The following MUC17 variants were observed in gnomAD, a reference collection of about 807,000 sequenced individuals.
MUC17 encodes the protein mucin 17, cell surface associated, also known as mucin-17.
MUC17 carries 190 observed loss-of-function variants against 170.3 expected under a neutral mutation model. That is an observed-to-expected ratio of 1.12 (90% confidence interval 0.99 to 1.26). MUC17 has a LOEUF of 1.26. Among genes scored for constraint, MUC17 ranks in the 50% most tolerant of loss-of-function variants. The pLI is 0.00. For missense variants in MUC17, 6,415 were observed against 5,530.0 expected (o/e 1.16, Z -5.08); for synonymous variants, 2,325 against 2,002.5 (o/e 1.16, Z -4.30).
intron 1 of MUC17, among the ~76,000 whole-genome samples, chr7:101,028,141 G>C (rs1794214057): frequency 1.3e-5 from 2 of 149,592 alleles, no homozygotes; most frequent in Middle Eastern, 6.9e-3. Context: ...ACCCAGGCTG[G>C]AGTGCAGTGG....
Position 101,037,469 on chromosome 7 carries a change from C to T in MUC17, c.6053C>T (p.Thr2018Ile). The change falls in exon 3 of 13, where the codon ACT becomes ATT. Residue 2018 changes from threonine to isoleucine, a missense_variant. Thr to Ile is a moderately conservative substitution (Grantham distance 89). Coordinates refer to ENST00000306151, the MANE Select transcript of MUC17 (RefSeq NM_001040105.2). ...GTTGACACCAGCACTCCTGCCACCACTTCTACTGAAGGCAGTTCATCTCCT... is the reference window on the plus strand; with the variant it reads ...GTTGACACCAGCACTCCTGCCACCATTTCTACTGAAGGCAGTTCATCTCCT... ...TPVDTSTPAT[T>I]STEGSSSPTT... 6.2e-7 allele frequency: 1 copy of T among 1,612,124 alleles called. No individual in the cohort carries two copies. Among genetic ancestry groups the T allele is most frequent in the African/African-American group, 1.3e-5 (1 of 74,872 alleles).
At position 101,041,057 on chromosome 7, in the gene MUC17, C is replaced by A. The variant is rs778048440; in HGVS notation, c.9641C>A (p.Thr3214Asn). The change falls in exon 3 of 13, where the codon ACC becomes AAC. Residue 3214 changes from threonine (T) to asparagine (N), a missense_variant. Thr to Asn is a moderately conservative substitution (Grantham distance 65). Coordinates refer to ENST00000306151, the MANE Select transcript of MUC17 (RefSeq NM_001040105.2). ...STTAEGTSIP[T>N]STPSEGMTPL... is the part of the protein sequence containing the mutation. Reference sequence around the variant, plus strand: ...ACTGCTGAAGGTACCAGCATTCCAACCTCAACTCCTAGTGAAGGAATGACT... The same window carrying A: ...ACTGCTGAAGGTACCAGCATTCCAAACTCAACTCCTAGTGAAGGAATGACT... 1.2e-6 allele frequency: 2 copies of A among 1,613,680 alleles called. No homozygotes were observed. Among genetic ancestry groups the A allele is most frequent in the African/African-American group, 2.7e-5 (2 of 74,786 alleles).
rs368056044 is a variant in MUC17, at chr7:101,036,342, G to A, written c.4926G>A (p.Pro1642=). 28 of 1,613,172 alleles carry A rather than the reference G, an allele frequency of 1.7e-5. No individual in the cohort carries two copies. Among genetic ancestry groups the A allele is most frequent in the African/African-American group, 8.0e-5 (6 of 74,676 alleles). The part of the protein sequence containing the change: ...LLTSIPVSTT[P]VASPEASTLS... ...CAAGTATACCTGTCAGCACCACGCC[G>A]GTGGCCAGTCCTGAGGCTAGCACCC... The change falls in exon 3 of 13, where the codon CCG becomes CCA. Residue 1642 remains proline, a synonymous_variant. Transcript: ENST00000306151.
Position 101,034,895 on chromosome 7 carries a change from C to G in MUC17, c.3479C>G (p.Thr1160Ser). 1 of 1,613,404 alleles carries G rather than the reference C, an allele frequency of 6.2e-7. No homozygotes were observed. The highest frequency in any genetic ancestry group is 8.5e-7 in the Non-Finnish European group (1 of 1,179,958). ...IPTSPPSEGT[T>S]PLASMPVSTT... ...ACCTCACCTCCCAGTGAAGGAACCA[C>G]TCCGTTAGCAAGTATGCCTGTCAGC... The change falls in exon 3 of 13, where the codon ACT (threonine) becomes AGT (serine). Residue 1160 changes from threonine to serine, a missense_variant. Thr to Ser is a moderately conservative substitution (Grantham distance 58). Coordinates refer to ENST00000306151, the MANE Select transcript of MUC17 (RefSeq NM_001040105.2).
At position 101,031,956 on chromosome 7, in the gene MUC17, T is replaced by G; in HGVS notation, c.540T>G (p.Tyr180Ter). Reference protein sequence around the residue: ...PSFEAYTSLTYKVDMSTPLTT... With the variant: ...PSFEAYTSLT ...TTGAGGCCTACACATCTTTAACATA[T>G]AAGGTTGATATGAGCACACCTCTGA... is the stretch of plus-strand genomic sequence containing the variant. The change falls in exon 3 of 13, where the codon TAT becomes TAG. Residue 180 changes from tyrosine (Y) to a stop codon, truncating the protein, a stop_gained. Transcript: ENST00000306151. LOFTEE classifies it high-confidence loss of function. The G allele has an allele frequency of 6.2e-7, 1 of 1,614,146 alleles. No homozygotes were observed. The highest frequency in any genetic ancestry group is 8.5e-7 in the Non-Finnish European group (1 of 1,180,038).
At chr7:101,023,518 C>G (rs1794130308) in intron 1 of MUC17, among the ~76,000 whole-genome samples, 2 of 152,122 alleles carry the variant, frequency 1.3e-5, no homozygotes, top group South Asian at 4.1e-4. Context: ...TCCTGAGTAG[C>G]TGGGATTACA....
rs1794682832 is a variant in MUC17 at position 101,041,026 on chromosome 7, T to G, written c.9610T>G (p.Ser3204Ala). 6.2e-7 allele frequency: 1 copy of G among 1,609,492 alleles called. No homozygotes were observed. The highest frequency in any genetic ancestry group is 8.5e-7 in the Non-Finnish European group (1 of 1,178,568). Residue 3204 changes from serine to alanine, a missense_variant, in exon 3 of 13, where the codon TCT (serine) becomes GCT (alanine). Transcript: ENST00000306151. ...GACCACTTCTACTGAAGCCACTTCATCTACAACTGCTGAAGGTACCAGCAT... is the reference window on the plus strand; with the variant it reads ...GACCACTTCTACTGAAGCCACTTCAGCTACAACTGCTGAAGGTACCAGCAT... ...PVTTSTEATS[S>A]TTAEGTSIPT...
At chr7:101,029,099 A>G (rs1183793921) in intron 1 of MUC17, among the ~76,000 whole-genome samples, 3 of 151,370 alleles carry the variant, frequency 2.0e-5, no homozygotes, top group African/African-American at 7.3e-5. Context: ...GAGGCAGGAG[A>G]ATCACTTGAA....
chr7:101,037,144 A>T lies in MUC17; in HGVS notation c.5728A>T (p.Thr1910Ser), dbSNP rs1466802874. The part of the protein sequence containing the change: ...TYAQVSSSPT[T>S]ADGSSMPTST... Reference sequence around the variant, plus strand: ...TGCTCAAGTCAGTTCATCTCCTACAACTGCTGACGGTAGCAGCATGCCAAC... The same window carrying T: ...TGCTCAAGTCAGTTCATCTCCTACATCTGCTGACGGTAGCAGCATGCCAAC... The change falls in exon 3 of 13, where the codon ACT becomes TCT. Residue 1910 changes from threonine to serine, a missense_variant. Thr to Ser is a moderately conservative substitution (Grantham distance 58). Coordinates refer to ENST00000306151, the MANE Select transcript of MUC17 (RefSeq NM_001040105.2). 1.9e-6 allele frequency: 3 copies of T among 1,610,720 alleles called. No homozygotes were observed. Among genetic ancestry groups the T allele is most frequent in the Non-Finnish European group, 1.7e-6 (2 of 1,179,318 alleles).
chr7:101,032,993 C>A lies in MUC17; in HGVS notation c.1577C>A (p.Ser526Tyr), dbSNP rs146143829. The change falls in exon 3 of 13, where the codon TCT becomes TAT. Residue 526 changes from serine to tyrosine, a missense_variant. Ser to Tyr is a moderately radical substitution (Grantham distance 144, BLOSUM62 -2). Transcript: ENST00000306151. ...MSVSTMPVASSEASTLSTTPV... is the reference protein window; with the variant it reads ...MSVSTMPVASYEASTLSTTPV... The stretch of plus-strand genomic sequence containing the variant: ...GTCAGCACCATGCCGGTGGCCAGTT[C>A]TGAGGCTAGCACCCTTTCAACAACT... 363 of 1,614,198 alleles carry A rather than the reference C, an allele frequency of 2.2e-4. 2 individuals carry two copies. In the African/African-American group the frequency reaches 4.4e-3, roughly 19 times the overall value.
intron 3 of MUC17, among the ~76,000 whole-genome samples, chr7:101,046,672 G>T (rs1396068183): frequency 6.6e-6 from 1 of 152,102 alleles, no homozygotes; most frequent in Non-Finnish European, 1.5e-5. Flanking sequence ...CAGTTACTTG[G>T]GAGGCTAGGG....
chr7:101,050,511 C>G lies in MUC17; in HGVS notation c.12750C>G (p.Asp4250Glu). Reference sequence around the variant, plus strand: ...TTGGCAGTGTGGTGGTGGAGCATGACGTCCTCCTAAGAACCAAGTACACAC... The same window carrying G: ...TTGGCAGTGTGGTGGTGGAGCATGAGGTCCTCCTAAGAACCAAGTACACAC... The part of the protein sequence containing the change: ...LRLGSVVVEH[D>E]VLLRTKYTPE... Residue 4250 changes from aspartate (D) to glutamate (E), a missense_variant, in exon 7 of 13, where the codon GAC becomes GAG. By Grantham distance (45) the Asp-to-Glu change is conservative. Coordinates refer to ENST00000306151, the MANE Select transcript of MUC17 (RefSeq NM_001040105.2). 1 of 1,613,878 alleles carries G rather than the reference C, an allele frequency of 6.2e-7. No homozygotes were observed. Among genetic ancestry groups the G allele is most frequent in the Non-Finnish European group, 8.5e-7 (1 of 1,179,864 alleles).
At chr7:101,043,957 A>G (rs929864087) in intron 3 of MUC17, 138 bp downstream of exon 3, 15 of 816,180 alleles carry the variant, frequency 1.8e-5, no homozygotes, top group Admixed American at 8.7e-5. Flanking sequence ...CATCATTTAC[A>G]TTAGGTATTT....
rs766064779 is a variant in MUC17 at position 101,039,845 on chromosome 7, C to T, written c.8429C>T (p.Thr2810Ile). ...MPTSTPSETS[T>I]PLTSMPVNHT... ...ACCTCAACTCCTAGTGAAACAAGTA[C>T]TCCATTAACTAGTATGCCTGTCAAC... The change falls in exon 3 of 13, where the codon ACT becomes ATT. Residue 2810 changes from threonine to isoleucine, a missense_variant. Physicochemically the swap from Thr to Ile is moderately conservative, Grantham distance 89 (BLOSUM62 -1). Coordinates refer to ENST00000306151, the MANE Select transcript of MUC17 (RefSeq NM_001040105.2). The T allele has an allele frequency of 1.0e-4, 165 of 1,611,788 alleles. 3 individuals are homozygous for T. Among genetic ancestry groups the T allele is most frequent in the Admixed American group, 1.8e-4 (11 of 59,632 alleles).
Position 101,050,558 on chromosome 7 carries a change from A to T in MUC17, c.12797A>T (p.Asp4266Val), listed in dbSNP as rs751533706. 6.2e-7 allele frequency: 1 copy of T among 1,614,100 alleles called. No homozygotes were observed. The highest frequency in any genetic ancestry group is 8.5e-7 in the Non-Finnish European group (1 of 1,180,024). ...ACACCAGAATACAAGACAGTATTGG[A>T]CAATGCCACCGAAGTAGTGAAAGAG... ...KYTPEYKTVL[D>V]NATEVVKEKI... Residue 4266 changes from aspartate (D) to valine (V), a missense_variant, in exon 7 of 13, where the codon GAC becomes GTC. By Grantham distance (152) the Asp-to-Val change is radical. Coordinates refer to ENST00000306151, the MANE Select transcript of MUC17 (RefSeq NM_001040105.2).
Position 101,039,411 on chromosome 7 carries a change from C to T in MUC17, c.7995C>T (p.Thr2665=), listed in dbSNP as rs200123366. ...CTGTTGACACCAGGACACTTGTGAC[C>T]ACTTCCACTGGAACCAGTTCATCTC... is the stretch of plus-strand genomic sequence containing the variant. ...TTPVDTRTLV[T]TSTGTSSSPT... The change falls in exon 3 of 13, where the codon ACC becomes ACT. Residue 2665 remains threonine (T), a synonymous_variant. Transcript: ENST00000306151. 1.2e-3 allele frequency: 1,963 copies of T among 1,611,994 alleles called. 41 individuals are homozygous for T. In the South Asian group the frequency reaches 0.02, roughly 17 times the overall value.
In MUC17 at chr7:101,039,597, T is replaced by C; in HGVS notation, c.8181T>C (p.Ala2727=). The C allele has an allele frequency of 6.2e-7, 1 of 1,612,750 alleles. No homozygotes were observed. The highest frequency in any genetic ancestry group is 8.5e-7 in the Non-Finnish European group (1 of 1,179,304). Residue 2727 remains alanine (A), a synonymous_variant, in exon 3 of 13, where the codon GCT becomes GCC. Coordinates refer to ENST00000306151, the MANE Select transcript of MUC17 (RefSeq NM_001040105.2). Reference sequence around the variant, plus strand: ...CCAGCACACCTGTCACCACTTCTGCTGAAGCCAGTTCTTCTCCTACAACTG... The same window carrying C: ...CCAGCACACCTGTCACCACTTCTGCCGAAGCCAGTTCTTCTCCTACAACTG... ...VDTSTPVTTS[A]EASSSPTTAE... is the part of the protein sequence containing the mutation.
rs1401697191 is a variant in MUC17 at position 101,034,035 on chromosome 7, C to T, written c.2619C>T (p.Ser873=). The T allele has an allele frequency of 6.2e-7, 1 of 1,601,858 alleles. No homozygotes were observed. The highest frequency in any genetic ancestry group is 8.5e-7 in the Non-Finnish European group (1 of 1,173,228). Residue 873 remains serine, a synonymous_variant, in exon 3 of 13, where the codon AGC becomes AGT. Transcript: ENST00000306151. ...GRTPLTSMPV[S]TTLVATSAIS... ...CTCCTTTAACAAGTATGCCTGTCAG[C>T]ACCACACTGGTGGCCACTTCTGCAA...
In MUC17 at chr7:101,043,746, C is replaced by A. The variant is rs1211079960; in HGVS notation, c.12330C>A (p.Thr4110=). Residue 4110 remains threonine (T), a synonymous_variant, in exon 3 of 13, where the codon ACC becomes ACA. Transcript: ENST00000306151. ...CCACTTCCTTCCCCACGGTGACCAC[C>A]ACCGCTGTCCCCACGAATACTACAA... is the stretch of plus-strand genomic sequence containing the variant. ...TRTTSFPTVT[T]TAVPTNTTIK... 2 of 1,614,036 alleles carry A rather than the reference C, an allele frequency of 1.2e-6. No homozygotes were observed. The highest frequency in any genetic ancestry group is 2.7e-5 in the African/African-American group (2 of 74,922).
Sources: allele counts gnomAD v4.1 joint callset (sites outside exome capture counted in the v4.1 genomes callset), GRCh38; gene constraint gnomAD v4.1.1; transcripts MANE v1.5; gene names NCBI Gene and HGNC (gene_info 2026-07-23, HGNC 2026-07-21).